Variants in TMEM51 observed in about 807,000 individuals in gnomAD.
The protein encoded by TMEM51 is transmembrane protein 51.
In TMEM51, 8 loss-of-function variants were observed where a neutral mutation model predicts 13.6. That is an observed-to-expected ratio of 0.59 (90% CI 0.35 to 1.07). The LOEUF (loss-of-function observed/expected upper bound fraction) is 1.07, where lower values mean the gene tolerates loss of function less well. Ranked by LOEUF, TMEM51 falls within the 50% of genes least tolerant of loss-of-function variation. TMEM51 has a pLI of 0.02. For missense variants in TMEM51, 279 were observed against 330.7 expected (o/e 0.84, Z 1.21); for synonymous variants, 147 against 144.4 (o/e 1.02, Z -0.13).
intron 1 of TMEM51, among the ~76,000 whole-genome samples, chr1:15,204,329 G>A (rs4661601): frequency 0.063 from 9,534 of 152,244 alleles, 369 homozygotes; most frequent in Non-Finnish European, 0.094. Flanking sequence ...CGAGGCGGAC[G>A]GATCACCTGA....
intron 1 of TMEM51, among the ~76,000 whole-genome samples, chr1:15,168,028 A>G (rs1161029618): frequency 1.3e-5 from 2 of 152,238 alleles, no homozygotes; most frequent in Non-Finnish European, 2.9e-5. Context: ...AGTCCCTTAT[A>G]CGAGCGTAGC....
chr1:15,171,250 G>A (rs1175189906), intron 1 of TMEM51: 38 of 1,304,144 alleles, frequency 2.9e-5, no homozygotes, highest in Admixed American at 6.9e-5. Flanking sequence ...GAGATCAAAA[G>A]GTTTGCAGGT....
chr1:15,164,567 G>A (rs1642917369), intron 1 of TMEM51: 2 of 435,226 alleles, frequency 4.6e-6, no homozygotes, highest in Middle Eastern at 3.3e-4. Flanking sequence ...TTAAGGTGGT[G>A]TCTGCCACAT....
At chr1:15,169,172 G>A (rs553915758) in intron 1 of TMEM51, among the ~76,000 whole-genome samples, 2 of 152,170 alleles carry the variant, frequency 1.3e-5, no homozygotes, top group Non-Finnish European at 2.9e-5. Flanking sequence ...GCTAGAAAGT[G>A]AGGGAGTCGG....
chr1:15,216,939 G>A (rs1340206993), intron 3 of TMEM51, among the ~76,000 whole-genome samples: 4 of 152,216 alleles, frequency 2.6e-5, no homozygotes, highest in African/African-American at 7.2e-5. Flanking sequence ...TTGTCTCCAG[G>A]TAGAAGGATT....
At chr1:15,211,213 G>A (rs1362572259) in intron 2 of TMEM51, among the ~76,000 whole-genome samples, 5 of 152,010 alleles carry the variant, frequency 3.3e-5, no homozygotes, top group African/African-American at 7.2e-5. Context: ...AACCTTTTCC[G>A]CCACCTTGCC....
intron 1 of TMEM51, chr1:15,192,635 G>A (rs538688780): frequency 5.9e-6 from 1 of 170,582 alleles, no homozygotes; most frequent in African/African-American, 2.4e-5. Flanking sequence ...TGTATTTTTA[G>A]TAGAGACAGG....
At chr1:15,197,314 A>G (rs931087819) in intron 1 of TMEM51, among the ~76,000 whole-genome samples, 3 of 152,150 alleles carry the variant, frequency 2.0e-5, no homozygotes. Context: ...GCCCTAGAGA[A>G]GGAAAACCAG....
intron 1 of TMEM51, chr1:15,171,398 C>T: frequency 2.5e-6 from 3 of 1,189,340 alleles, no homozygotes; most frequent in Non-Finnish European, 3.3e-6. Flanking sequence ...GAAGAGTTGC[C>T]GGGGACCAGG....
intron 1 of TMEM51, among the ~76,000 whole-genome samples, chr1:15,173,917 T>C (rs1468895024): frequency 6.6e-6 from 1 of 152,196 alleles, no homozygotes; most frequent in African/African-American, 2.4e-5. Flanking sequence ...GAAAGCAAGT[T>C]GGAAGGTTTC....
At chr1:15,201,842 C>T (rs1466501754) in intron 1 of TMEM51, among the ~76,000 whole-genome samples, 1 of 152,140 alleles carries the variant, frequency 6.6e-6, no homozygotes, top group Admixed American at 6.5e-5. Flanking sequence ...AAACGGCGTC[C>T]TAATCTCCAG....
At chr1:15,187,807 A>C (rs1381770838) in intron 1 of TMEM51, among the ~76,000 whole-genome samples, 3 of 151,930 alleles carry the variant, frequency 2.0e-5, no homozygotes, top group Non-Finnish European at 4.4e-5. Context: ...TCTCTCAGTG[A>C]GTGACCTTAG....
intron 1 of TMEM51, among the ~76,000 whole-genome samples, chr1:15,165,798 A>G (rs1642973963): frequency 6.6e-6 from 1 of 152,202 alleles, no homozygotes; most frequent in South Asian, 2.1e-4. Flanking sequence ...TCCAGTATTG[A>G]TGAATACTGA....
chr1:15,160,228 G>A (rs1365907581), intron 1 of TMEM51, among the ~76,000 whole-genome samples: 1 of 152,110 alleles, frequency 6.6e-6, no homozygotes, highest in Non-Finnish European at 1.5e-5. Context: ...GTTAGGGTGT[G>A]GGGCATGATT....
At chr1:15,192,421 TG>T in intron 1 of TMEM51, 1 of 373,306 alleles carries the variant, frequency 2.7e-6, no homozygotes, top group Non-Finnish European at 5.2e-6. Flanking sequence ...CGTTTGGCAG[TG>T]CTACTTTTTT....
In TMEM51 at chr1:15,207,106, AC is replaced by A. The variant is rs1644263569; in HGVS notation, c.-266-3383del. On this transcript the variant is annotated intron_variant, in intron 1 of 3. Coordinates refer to ENST00000376008, the MANE Select transcript of TMEM51 (RefSeq NM_001136218.2). This position sits in a 1 kb window ranked among gnomAD's most constrained non-coding sequence, Gnocchi z 4.6. ...TCCTCCTTTGTGATGTGAATGTGGC[AC>A]AGCCCGGTGGAACCGGGGATCCCTT... 6.6e-6 allele frequency among the ~76,000 whole-genome samples: 1 copy of A among 152,234 alleles called. No homozygotes were observed. The highest frequency in any genetic ancestry group is 6.5e-5 in the Admixed American group (1 of 15,284).
chr1:15,170,835 T>C (rs1486318278), intron 1 of TMEM51, among the ~76,000 whole-genome samples: 1 of 151,720 alleles, frequency 6.6e-6, no homozygotes, highest in Non-Finnish European at 1.5e-5. Context: ...TTCATGCCAT[T>C]CTCCTGCCTC....
intron 1 of TMEM51, among the ~76,000 whole-genome samples, chr1:15,177,898 G>A (rs1180892992): frequency 6.6e-6 from 1 of 152,158 alleles, no homozygotes; most frequent in East Asian, 1.9e-4. Flanking sequence ...CTAACGTCAC[G>A]CGAAGTCTTC....
At chr1:15,186,657 A>T (rs1208997492) in intron 1 of TMEM51, among the ~76,000 whole-genome samples, 2 of 152,164 alleles carry the variant, frequency 1.3e-5, no homozygotes, top group African/African-American at 4.8e-5. Flanking sequence ...CCCAGGCCTG[A>T]GGGGAGTGGC....
Sources: gnomAD v4.1 joint callset for allele counts (sites outside exome capture counted in the v4.1 genomes callset) on GRCh38, gnomAD v4.1.1 for gene constraint, Gnocchi (gnomAD v3.1) non-coding constraint, MANE v1.5 for transcripts, NCBI Gene and HGNC (gene_info 2026-07-23, HGNC 2026-07-21) for gene names.